TGFBR3: variants seen among roughly 807,000 people sequenced by gnomAD.
The protein encoded by TGFBR3 is transforming growth factor beta receptor type 3.
TGFBR3 carries 46 observed loss-of-function variants against 87.9 expected under a neutral mutation model. The observed-to-expected ratio is 0.52, with a 90% CI of 0.41 to 0.67. The LOEUF (loss-of-function observed/expected upper bound fraction) is 0.67, where lower values mean the gene tolerates loss of function less well. Ranked by LOEUF, TGFBR3 falls within the 30% of genes least tolerant of loss-of-function variation. The pLI is 0.00. For synonymous variants in TGFBR3, 381 were observed against 391.6 expected, an observed-to-expected ratio of 0.97 and a Z score of 0.32; for missense variants, 866 against 1,041.9, an observed-to-expected ratio of 0.83 and a Z score of 2.32.
At chr1:91,847,603 CAAAAAAAA>C (rs57534144) in intron 2 of TGFBR3, among the ~76,000 whole-genome samples, 1 of 88,280 alleles carries the variant, frequency 1.1e-5, no homozygotes, top group Non-Finnish European at 2.3e-5. Flanking sequence ...AACTCCATCT[CAAAAAAAA>C]AAAAAAAAAA....
intron 1 of TGFBR3, among the ~76,000 whole-genome samples, chr1:91,902,807 C>T: frequency 6.6e-6 from 1 of 151,836 alleles, no homozygotes; most frequent in East Asian, 1.9e-4. Context: ...TGATGGAGGT[C>T]AGGAGTAGAG....
chr1:91,764,065 C>T (rs1187853451), intron 3 of TGFBR3, among the ~76,000 whole-genome samples: 1 of 151,906 alleles, frequency 6.6e-6, no homozygotes, highest in East Asian at 1.9e-4. Flanking sequence ...TTCAAGAAAT[C>T]TTGACATACA....
chr1:91,791,755 T>C (rs1675201435), intron 3 of TGFBR3, among the ~76,000 whole-genome samples: 1 of 152,166 alleles, frequency 6.6e-6, no homozygotes, highest in Admixed American at 6.5e-5. Flanking sequence ...TCTGGTTGTA[T>C]AACCTCCCTA....
chr1:91,690,739 T>C (rs1671236681), intron 16 of TGFBR3, among the ~76,000 whole-genome samples: 1 of 152,076 alleles, frequency 6.6e-6, no homozygotes, highest in Admixed American at 6.5e-5. Context: ...GCCAGTCCTA[T>C]ACCTTTCAAG....
chr1:91,852,147 G>A lies in TGFBR3; in HGVS notation c.61+9324C>T, dbSNP rs150072563. Reference sequence around the variant, plus strand: ...GCCTGTAGTTCCAGCTACTCAAGAGGCTGAGGTGGGAGGATCGTTTGAGCC... The same window carrying A: ...GCCTGTAGTTCCAGCTACTCAAGAGACTGAGGTGGGAGGATCGTTTGAGCC... On this transcript the variant is annotated intron_variant, in intron 2 of 16. Coordinates refer to ENST00000212355, the MANE Select transcript of TGFBR3 (RefSeq NM_003243.5). Among the ~76,000 whole-genome samples the A allele has an allele frequency of 6.8e-3, 1,036 of 152,280 alleles. 15 individuals carry two copies. The highest frequency in any genetic ancestry group is 0.024 in the African/African-American group (980 of 41,554).
In TGFBR3 at chr1:91,729,990, A is replaced by T. The variant is rs1393591253; in HGVS notation, c.569-17T>A. ...ACACTTGATCTGAAAGAGGCACAGG[A>T]CAATCTGTCAAACCACTGAGGTACT... On this transcript the variant is annotated splice_polypyrimidine_tract_variant and intron_variant, in intron 5 of 16. Coordinates refer to ENST00000212355, the MANE Select transcript of TGFBR3 (RefSeq NM_003243.5). 6.2e-7 allele frequency: 1 copy of T among 1,614,042 alleles called. No homozygotes were observed. Among genetic ancestry groups the T allele is most frequent in the Non-Finnish European group, 8.5e-7 (1 of 1,179,986 alleles).
At chr1:91,814,240 C>T (rs187772718) in intron 2 of TGFBR3, among the ~76,000 whole-genome samples, 5 of 150,116 alleles carry the variant, frequency 3.3e-5, no homozygotes, top group Non-Finnish European at 7.4e-5. Context: ...TGTATATATA[C>T]ACACACACAC....
At chr1:91,712,990 C>T (rs1214884479) in intron 12 of TGFBR3, among the ~76,000 whole-genome samples, 1 of 152,214 alleles carries the variant, frequency 6.6e-6, no homozygotes, top group African/African-American at 2.4e-5. Flanking sequence ...GCGGCAAAAT[C>T]TATTTAACCT....
intron 5 of TGFBR3, among the ~76,000 whole-genome samples, chr1:91,732,664 C>T (rs1384658270): frequency 1.3e-5 from 2 of 152,318 alleles, no homozygotes; most frequent in Non-Finnish European, 1.5e-5. Flanking sequence ...CCCTACTGCT[C>T]CTCTCTCCAC....
chr1:91,704,521 C>T (rs1671728982), intron 14 of TGFBR3, among the ~76,000 whole-genome samples: 1 of 152,104 alleles, frequency 6.6e-6, no homozygotes, highest in Non-Finnish European at 1.5e-5. Flanking sequence ...CCAGATCCAC[C>T]ATTTATATGT....
At chr1:91,810,389 A>G (rs1382582371) in intron 2 of TGFBR3, among the ~76,000 whole-genome samples, 2 of 152,176 alleles carry the variant, frequency 1.3e-5, no homozygotes, top group African/African-American at 2.4e-5. Context: ...GCACCTGATA[A>G]AATTCAGAGG....
At chr1:91,804,371 T>C (rs939679744) in intron 2 of TGFBR3, among the ~76,000 whole-genome samples, 1 of 152,120 alleles carries the variant, frequency 6.6e-6, no homozygotes, top group Admixed American at 6.5e-5. Flanking sequence ...ATCCTCTATC[T>C]CTCCGTTGGC....
intron 15 of TGFBR3, among the ~76,000 whole-genome samples, chr1:91,697,237 T>C (rs1196759945): frequency 6.6e-6 from 1 of 152,242 alleles, no homozygotes; most frequent in Non-Finnish European, 1.5e-5. Context: ...TGTGTCCATA[T>C]GTGCCTCTGT....
At chr1:91,833,435 T>C (rs1410239142) in intron 2 of TGFBR3, among the ~76,000 whole-genome samples, 1 of 110,430 alleles carries the variant, frequency 9.1e-6, no homozygotes, top group Non-Finnish European at 1.7e-5. Context: ...CACTCCACCC[T>C]GGGCGACAGA....
At chr1:91,880,522 A>C (rs1392760753) in intron 1 of TGFBR3, among the ~76,000 whole-genome samples, 5 of 152,044 alleles carry the variant, frequency 3.3e-5, no homozygotes, top group Non-Finnish European at 5.9e-5. Context: ...GGCGTGAACC[A>C]GGGAGGCGGA....
At chr1:91,789,606 C>T (rs1353624386) in intron 3 of TGFBR3, among the ~76,000 whole-genome samples, 1 of 152,184 alleles carries the variant, frequency 6.6e-6, no homozygotes, top group Non-Finnish European at 1.5e-5. Context: ...GTTTCCTAAA[C>T]CCCGGTGTTT....
At chr1:91,729,183 A>AAG (rs1399597528) in intron 6 of TGFBR3, among the ~76,000 whole-genome samples, 15 of 143,170 alleles carry the variant, frequency 1.0e-4, no homozygotes, top group Non-Finnish European at 2.0e-4. Flanking sequence ...ACACACACAC[A>AAG]CACACACACA....
At chr1:91,750,738 C>A (rs765064255) in intron 4 of TGFBR3, among the ~76,000 whole-genome samples, 5 of 152,160 alleles carry the variant, frequency 3.3e-5, no homozygotes, top group Non-Finnish European at 7.4e-5. Flanking sequence ...CTGGTATATC[C>A]GGGTCCCTGG....
intron 4 of TGFBR3, among the ~76,000 whole-genome samples, chr1:91,741,146 A>G (rs1366208673): frequency 6.6e-6 from 1 of 152,242 alleles, no homozygotes; most frequent in Non-Finnish European, 1.5e-5. Context: ...TTAAGGGCTC[A>G]GTCCCACAAG....
Sources: gnomAD v4.1 joint callset for allele counts (sites outside exome capture counted in the v4.1 genomes callset) on GRCh38, gnomAD v4.1.1 for gene constraint, MANE v1.5 for transcripts, NCBI Gene and HGNC (gene_info 2026-07-23, HGNC 2026-07-21) for gene names.